Variants in CHLSN observed in about 807,000 individuals in gnomAD.
CHLSN encodes cholesin.
chr7:1,070,014 T>G, the CHLSN span, among the ~76,000 whole-genome samples: 1 of 101,048 alleles, frequency 9.9e-6, no homozygotes, highest in Non-Finnish European at 2.0e-5. Context: ...CCATCTGGGA[T>G]GTGAGGAGCG....
the CHLSN span, among the ~76,000 whole-genome samples, chr7:1,116,559 C>T: frequency 3.7e-5 from 3 of 80,194 alleles, no homozygotes; most frequent in Non-Finnish European, 4.8e-5. Flanking sequence ...CCGACGCCCA[C>T]GCAGGATGAT....
At chr7:1,086,158 T>C in the CHLSN span, among the ~76,000 whole-genome samples, 1 of 152,214 alleles carries the variant, frequency 6.6e-6, no homozygotes, top group Non-Finnish European at 1.5e-5. Context: ...GTGGAGAGCT[T>C]GGGAGCTGAG....
the CHLSN span, among the ~76,000 whole-genome samples, chr7:1,099,369 G>T: frequency 6.6e-6 from 1 of 152,260 alleles, no homozygotes; most frequent in African/African-American, 2.4e-5. Context: ...GGGCCACGGG[G>T]ACGCCAGCCC....
chr7:1,060,360 C>T, the CHLSN span, among the ~76,000 whole-genome samples: 5 of 152,180 alleles, frequency 3.3e-5, no homozygotes, highest in African/African-American at 1.2e-4. Context: ...CCATGAGGAC[C>T]CCACCCCTTC....
chr7:1,022,786 G>C, the CHLSN span: 1 of 268,804 alleles, frequency 3.7e-6, no homozygotes, highest in Admixed American at 5.1e-5. Flanking sequence ...TCCTCCCTAG[G>C]ACACCAGTGG....
the CHLSN span, among the ~76,000 whole-genome samples, chr7:1,136,379 A>AACATATATAAAT: frequency 1.0e-4 from 10 of 100,214 alleles, no homozygotes; most frequent in South Asian, 2.8e-4. Flanking sequence ...AATATATATA[A>AACATATATAAAT]ATATATAAAC....
the CHLSN span, among the ~76,000 whole-genome samples, chr7:1,021,103 C>G: frequency 6.6e-6 from 1 of 151,642 alleles, no homozygotes; most frequent in East Asian, 1.9e-4. Context: ...GACCTCGCAG[C>G]AGGGAACTCC....
At chr7:1,030,736 G>A in the CHLSN span, among the ~76,000 whole-genome samples, 2 of 77,054 alleles carry the variant, frequency 2.6e-5, no homozygotes, top group Admixed American at 1.2e-4. Flanking sequence ...GGCAGGGGGG[G>A]ACTCTCTCTC....
At chr7:1,093,663 C>T in the CHLSN span, 24 of 470,950 alleles carry the variant, frequency 5.1e-5, no homozygotes, top group South Asian at 3.4e-4. Flanking sequence ...TGAAATACTC[C>T]AGCACCTGTG....
At chr7:1,017,140 A>C in the CHLSN span, among the ~76,000 whole-genome samples, 1 of 152,226 alleles carries the variant, frequency 6.6e-6, no homozygotes, top group Admixed American at 6.5e-5. Context: ...AGAGCACCTC[A>C]GGCTGTGGGC....
chr7:1,114,269 T>G, the CHLSN span, among the ~76,000 whole-genome samples: 1 of 152,192 alleles, frequency 6.6e-6, no homozygotes, highest in African/African-American at 2.4e-5. Flanking sequence ...GACGCAGAAC[T>G]GGAGGCAGAA....
chr7:983,275 G>A, the CHLSN span: 32 of 1,543,604 alleles, frequency 2.1e-5, 1 homozygote, highest in African/African-American at 6.9e-5. Context: ...CTGCGCCTGC[G>A]CCCAAGACCC....
chr7:1,022,499 T>C, the CHLSN span, among the ~76,000 whole-genome samples: 3 of 152,238 alleles, frequency 2.0e-5, no homozygotes, highest in Admixed American at 1.3e-4. Flanking sequence ...TTAAGCCTTT[T>C]ATTTTAACGC....
the CHLSN span, among the ~76,000 whole-genome samples, chr7:1,106,952 C>T: frequency 6.6e-6 from 1 of 152,156 alleles, no homozygotes; most frequent in Admixed American, 6.5e-5. Context: ...CGGCCAGGAG[C>T]CCCCAACAGC....
the CHLSN span, chr7:1,093,181 G>A: frequency 1.8e-6 from 1 of 554,914 alleles, no homozygotes; most frequent in Admixed American, 2.2e-5. Context: ...GCCGCTGCAG[G>A]AAACATTTCT....
chr7:1,017,564 C>T, the CHLSN span, among the ~76,000 whole-genome samples: 1 of 152,198 alleles, frequency 6.6e-6, no homozygotes, highest in East Asian at 1.9e-4. Context: ...GGGAGGGCTC[C>T]ACACAGCGGG....
the CHLSN span, among the ~76,000 whole-genome samples, chr7:1,096,071 C>T: frequency 2.6e-4 from 40 of 152,358 alleles, no homozygotes; most frequent in Admixed American, 1.2e-3. The surrounding 1 kb of genome is among the most constrained non-coding windows in gnomAD (Gnocchi z 4.6). Context: ...CCACAGGGAA[C>T]AGTGCTGACT....
At chr7:1,119,054 A>G in the CHLSN span, among the ~76,000 whole-genome samples, 1 of 151,984 alleles carries the variant, frequency 6.6e-6, no homozygotes, top group Non-Finnish European at 1.5e-5. Context: ...AGAGATCGAG[A>G]CCATCCCGGC....
chr7:1,118,799 C>CAAAAAAAA, the CHLSN span, among the ~76,000 whole-genome samples: 4 of 76,250 alleles, frequency 5.2e-5, no homozygotes, highest in Admixed American at 3.3e-4. Flanking sequence ...CCATCTCTAC[C>CAAAAAAAA]AAAAAAAAAA....
Sources: allele counts gnomAD v4.1 joint callset (sites outside exome capture counted in the v4.1 genomes callset), GRCh38; gene constraint gnomAD v4.1.1; non-coding constraint Gnocchi (gnomAD v3.1); transcripts MANE v1.5; gene names NCBI Gene and HGNC (gene_info 2026-07-23, HGNC 2026-07-21).